Variants in PDE1C observed in about 807,000 individuals in gnomAD.
PDE1C encodes the protein phosphodiesterase 1C.
A neutral mutation model predicts 93.1 loss-of-function variants in PDE1C; 62 were observed. The observed-to-expected ratio is 0.67, with a 90% CI of 0.54 to 0.82. The LOEUF is 0.82. PDE1C is among the 40% of genes least tolerant of loss of function. The pLI, the probability that PDE1C is intolerant of heterozygous loss-of-function variation, is 0.00. For synonymous variants in PDE1C, 325 were observed against 310.1 expected, an observed-to-expected ratio of 1.05 and a Z score of -0.50; for missense variants, 742 against 884.6, an observed-to-expected ratio of 0.84 and a Z score of 2.04.
intron 3 of PDE1C, among the ~76,000 whole-genome samples, chr7:32,095,575 C>T (rs775434368): frequency 1.2e-4 from 19 of 152,182 alleles, no homozygotes; most frequent in Non-Finnish European, 1.8e-4. Context: ...GAGGGACACA[C>T]GGTTCTTATT....
At chr7:31,662,706 A>G in the PDE1C span, among the ~76,000 whole-genome samples, 2 of 152,188 alleles carry the variant, frequency 1.3e-5, no homozygotes, top group African/African-American at 4.8e-5. Context: ...CCAGAATTCC[A>G]AGAATTATCT....
rs140190682 is a variant in PDE1C at position 32,186,846 on chromosome 7, C to T, written c.137-16890G>A. 4.9e-4 allele frequency among the ~76,000 whole-genome samples: 74 copies of T among 152,206 alleles called. No individual in the cohort carries two copies. The East Asian group carries it at 0.012, about 25-fold the overall frequency. ...GAAAAGGACCATATCTAGCATAGCA[C>T]GCAAGATCTATCCTATGGCTGGAAT... On this transcript the variant is annotated intron_variant, in intron 2 of 18. Transcript: ENST00000396193.
chr7:31,976,496 A>T (rs1203403935), intron 2 of PDE1C, among the ~76,000 whole-genome samples: 1 of 152,220 alleles, frequency 6.6e-6, no homozygotes, highest in Admixed American at 6.5e-5. Context: ...AACATCTCTT[A>T]ACTGATATAT....
At chr7:31,916,051 G>T (rs1801860088) in intron 2 of PDE1C, among the ~76,000 whole-genome samples, 1 of 152,014 alleles carries the variant, frequency 6.6e-6, no homozygotes, top group South Asian at 2.1e-4. Context: ...GTATGGGGGG[G>T]GCACCTCTCA....
At chr7:31,912,593 G>A (rs1801385085) in intron 2 of PDE1C, among the ~76,000 whole-genome samples, 2 of 152,040 alleles carry the variant, frequency 1.3e-5, no homozygotes. Flanking sequence ...AGGCTGAGGT[G>A]GGAGGATCAC....
intron 3 of PDE1C, among the ~76,000 whole-genome samples, chr7:32,120,271 G>A (rs1007021494): frequency 2.0e-5 from 3 of 152,210 alleles, no homozygotes; most frequent in East Asian, 1.9e-4. Context: ...GGGAAGGGTG[G>A]CCGCAGTCTC....
intron 1 of PDE1C, among the ~76,000 whole-genome samples, chr7:32,387,899 CT>C (rs1185684215): frequency 6.6e-6 from 1 of 152,084 alleles, no homozygotes; most frequent in Non-Finnish European, 1.5e-5. Context: ...CTGAGGACAC[CT>C]TTTTCTTTCA....
At chr7:31,894,864 A>G (rs1476478880) in intron 2 of PDE1C, among the ~76,000 whole-genome samples, 1 of 152,160 alleles carries the variant, frequency 6.6e-6, no homozygotes. Flanking sequence ...GAATCTCAGG[A>G]AAGTGGTGTC....
chr7:31,652,694 G>T, the PDE1C span: 3 of 1,613,820 alleles, frequency 1.9e-6, no homozygotes, highest in Non-Finnish European at 2.5e-6. Context: ...GTGGGACCCA[G>T]TTGGCTGCCT....
intron 7 of PDE1C, among the ~76,000 whole-genome samples, chr7:31,852,006 A>C (rs1000642786): frequency 2.6e-5 from 4 of 152,226 alleles, no homozygotes; most frequent in African/African-American, 9.6e-5. Flanking sequence ...TGGTGAACTC[A>C]TAAAAGCCCT....
intron 2 of PDE1C, among the ~76,000 whole-genome samples, chr7:32,188,089 T>C (rs755870123): frequency 6.6e-6 from 1 of 152,224 alleles, no homozygotes; most frequent in Non-Finnish European, 1.5e-5. Flanking sequence ...ATTTCTCAGC[T>C]GTCTTATGCT....
chr7:31,800,077 T>C (rs770354064), intron 16 of PDE1C, among the ~76,000 whole-genome samples: 1 of 151,696 alleles, frequency 6.6e-6, no homozygotes, highest in Non-Finnish European at 1.5e-5. Flanking sequence ...ATATCTTCTC[T>C]AGTGAAAAGT....
At chr7:31,674,458 A>G in the PDE1C span, among the ~76,000 whole-genome samples, 2 of 152,206 alleles carry the variant, frequency 1.3e-5, no homozygotes, top group African/African-American at 2.4e-5. Context: ...GAAAAATTCC[A>G]ATGAAGAGCT....
At chr7:32,335,541 G>C (rs1783601780) in intron 1 of PDE1C, among the ~76,000 whole-genome samples, 2 of 152,126 alleles carry the variant, frequency 1.3e-5, no homozygotes, top group African/African-American at 4.8e-5. Flanking sequence ...GGCTTCTCCT[G>C]AAGCCTCTCT....
chr7:31,988,995 CAAA>C (rs36081234), intron 2 of PDE1C, among the ~76,000 whole-genome samples: 1 of 34,156 alleles, frequency 2.9e-5, no homozygotes, highest in Non-Finnish European at 5.5e-5. Flanking sequence ...AACTTCTTCT[CAAA>C]AAAAAAAAAA....
At chr7:32,199,247 T>A (rs1050256110) in intron 2 of PDE1C, among the ~76,000 whole-genome samples, 5 of 152,260 alleles carry the variant, frequency 3.3e-5, no homozygotes, top group African/African-American at 1.2e-4. Context: ...GCAGTTTCAT[T>A]ATAATGTATC....
chr7:31,717,245 TC>T, the PDE1C span, among the ~76,000 whole-genome samples: 1 of 152,260 alleles, frequency 6.6e-6, no homozygotes, highest in Non-Finnish European at 1.5e-5. Flanking sequence ...ATTTTGAATT[TC>T]TTTATACATT....
chr7:32,327,769 CAAAA>C (rs34543961), intron 1 of PDE1C, among the ~76,000 whole-genome samples: 24 of 104,766 alleles, frequency 2.3e-4, no homozygotes, highest in Non-Finnish European at 1.4e-4. Flanking sequence ...GACTCTGTCT[CAAAA>C]AAAAAAAAAA....
At chr7:32,070,255 C>A (rs908109260) in intron 1 of PDE1C, 38 bp downstream of exon 1, 7 of 1,612,500 alleles carry the variant, frequency 4.3e-6, no homozygotes, top group Non-Finnish European at 5.9e-6. Context: ...AGGATGGGAG[C>A]GGGAAATGGG....
Sources: gnomAD v4.1 joint callset for allele counts (sites outside exome capture counted in the v4.1 genomes callset) on GRCh38, gnomAD v4.1.1 for gene constraint, MANE v1.5 for transcripts, NCBI Gene and HGNC (gene_info 2026-07-23, HGNC 2026-07-21) for gene names.